Variants in ATP1B1 observed in about 807,000 individuals in gnomAD.
ATP1B1 encodes the protein sodium/potassium-transporting ATPase subunit beta-1.
Under a neutral mutation model 39.6 loss-of-function variants are expected in ATP1B1, and 3 were observed. The observed-to-expected ratio is 0.08, with a 90% CI of 0.03 to 0.20. ATP1B1 has a LOEUF of 0.20. Among genes scored for constraint, ATP1B1 ranks in the 10% least tolerant of loss-of-function variants. The probability of loss-of-function intolerance (pLI) is 1.00; values close to 1 mark genes in which losing one functional copy is unlikely to be tolerated. For synonymous variants in ATP1B1, 139 were observed against 135.0 expected (o/e 1.03, Z -0.20); for missense variants, 216 against 371.1 (o/e 0.58, Z 3.43).
At chr1:169,124,788 G>A (rs1198968795) in intron 2 of ATP1B1, 96 bp from the exon 3 acceptor site, 9 of 1,401,784 alleles carry the variant, frequency 6.4e-6, no homozygotes, top group Non-Finnish European at 8.8e-6. Flanking sequence ...TTAGCCAAGT[G>A]GAGTTAGCAA....
intron 1 of ATP1B1, among the ~76,000 whole-genome samples, chr1:169,110,032 T>G (rs1657694456): frequency 6.6e-6 from 1 of 152,158 alleles, no homozygotes. Context: ...TTATCTTTAC[T>G]TCTGTCTTTG....
chr1:169,120,084 C>T (rs1364537470), intron 2 of ATP1B1, among the ~76,000 whole-genome samples: 1 of 151,932 alleles, frequency 6.6e-6, no homozygotes, highest in African/African-American at 2.4e-5. Flanking sequence ...GTGGTAATTT[C>T]CAGGAGAAGT....
rs749543510 is a variant in ATP1B1, at chr1:169,111,395, A to T, written c.123A>T (p.Ile41=). 7 of 1,614,050 alleles carry T rather than the reference A, an allele frequency of 4.3e-6. No homozygotes were observed. The highest frequency in any genetic ancestry group is 8.5e-7 in the Non-Finnish European group (1 of 1,180,028). ...SWFKILLFYV[I]FYGCLAGIFI... is the part of the protein sequence containing the mutation. Reference sequence around the variant, plus strand: ...TTAAGATCCTTCTATTCTACGTAATATTTTATGGCTGCCTGGCTGGCATCT... The same window carrying T: ...TTAAGATCCTTCTATTCTACGTAATTTTTTATGGCTGCCTGGCTGGCATCT... Residue 41 remains isoleucine, a synonymous_variant, in exon 2 of 6, where the codon ATA becomes ATT. Transcript: ENST00000367815.
chr1:169,126,851 C>T (rs1045392561), intron 3 of ATP1B1, among the ~76,000 whole-genome samples: 5 of 152,172 alleles, frequency 3.3e-5, no homozygotes, highest in Non-Finnish European at 7.3e-5. Context: ...TGAGCTAAGC[C>T]AGTGTTGACA....
chr1:169,109,301 G>A (rs1240411036), intron 1 of ATP1B1, among the ~76,000 whole-genome samples: 2 of 152,034 alleles, frequency 1.3e-5, no homozygotes, highest in African/African-American at 4.8e-5. Context: ...TGCGTGAAAG[G>A]GAGATGCCTC....
At chr1:169,125,931 C>T (rs979962991) in intron 3 of ATP1B1, among the ~76,000 whole-genome samples, 16 of 152,112 alleles carry the variant, frequency 1.1e-4, no homozygotes, top group African/African-American at 3.9e-4. Context: ...GCCATGATCA[C>T]GCCACAGCAC....
At chr1:169,115,208 A>G (rs1041615054) in intron 2 of ATP1B1, among the ~76,000 whole-genome samples, 10 of 123,822 alleles carry the variant, frequency 8.1e-5, no homozygotes, top group Non-Finnish European at 1.5e-4. Flanking sequence ...AAGAAAAAAA[A>G]GGGGGGTGGG....
intron 2 of ATP1B1, among the ~76,000 whole-genome samples, chr1:169,115,668 T>C (rs1195539858): frequency 6.6e-6 from 1 of 152,206 alleles, no homozygotes; most frequent in Non-Finnish European, 1.5e-5. Flanking sequence ...TATAGCCCTA[T>C]CTTTCTACTA....
chr1:169,131,338 T>C lies in ATP1B1; in HGVS notation c.695T>C (p.Leu232Pro), dbSNP rs1302251634. 3 of 1,614,158 alleles carry C rather than the reference T, an allele frequency of 1.9e-6. No individual in the cohort carries two copies. Among genetic ancestry groups the C allele is most frequent in the African/African-American group, 1.3e-5 (1 of 75,042 alleles). The change falls in exon 6 of 6, where the codon CTG (leucine) becomes CCG (proline). Residue 232 changes from leucine to proline, a missense_variant. Physicochemically the swap from Leu to Pro is moderately conservative, Grantham distance 98. Coordinates refer to ENST00000367815, the MANE Select transcript of ATP1B1 (RefSeq NM_001677.4). The surrounding 1 kb of genome is among the most constrained non-coding windows in gnomAD (Gnocchi z 4.4). ...GTTGGAAATGTGGAGTATTTTGGAC[T>C]GGGCAACTCCCCTGGTTTTCCTCTG... ...DKVGNVEYFG[L>P]GNSPGFPLQY...
chr1:169,130,893 A>G (rs763953380), intron 5 of ATP1B1, among the ~76,000 whole-genome samples: 42 of 152,302 alleles, frequency 2.8e-4, no homozygotes, highest in Non-Finnish European at 5.0e-4. Flanking sequence ...AGAACAAAGA[A>G]AGGGAGTTCC....
intron 1 of ATP1B1, among the ~76,000 whole-genome samples, chr1:169,107,576 T>C (rs1291579653): frequency 1.3e-5 from 2 of 152,056 alleles, no homozygotes; most frequent in Non-Finnish European, 2.9e-5. Flanking sequence ...CAAAGTCTGG[T>C]TGTTTTCAAG....
Position 169,116,206 on chromosome 1 carries a change from C to T in ATP1B1, c.226+4708C>T, listed in dbSNP as rs114151705. 1.2e-3 allele frequency among the ~76,000 whole-genome samples: 188 copies of T among 152,340 alleles called. 1 individual carries two copies. The highest frequency in any genetic ancestry group is 3.6e-3 in the African/African-American group (151 of 41,576). On this transcript the variant is annotated intron_variant, in intron 2 of 5. Coordinates refer to ENST00000367815, the MANE Select transcript of ATP1B1 (RefSeq NM_001677.4). ...AATGGAAAAGTCTCTTCTTCACATC[C>T]GCCATTGCCCTTCCCCCACCTCAGG...
chr1:169,130,670 C>T (rs1326653259), intron 5 of ATP1B1, among the ~76,000 whole-genome samples: 1 of 151,152 alleles, frequency 6.6e-6, no homozygotes, highest in Non-Finnish European at 1.5e-5. Flanking sequence ...GCCTGTAATC[C>T]CAGCTGAGGA....
At position 169,122,746 on chromosome 1, in the gene ATP1B1, A is replaced by ATTTTT. The variant is rs753882699; in HGVS notation, c.227-2118_227-2114dup. ...GTTCTACATCATCCTTTTCAGGATG[A>ATTTTT]TTTTTTTTTTTTTTTTTTTTTTTTA... On this transcript the variant is annotated intron_variant, in intron 2 of 5. Transcript: ENST00000367815. 2.6e-3 allele frequency among the ~76,000 whole-genome samples: 213 copies of ATTTTT among 82,350 alleles called. 3 individuals carry two copies. The highest frequency in any genetic ancestry group is 3.2e-3 in the Non-Finnish European group (129 of 39,788). The allele number at this position is 82,350 out of a possible 152,430, so 54.0% of individuals were successfully genotyped here.
At chr1:169,118,356 C>T (rs980805680) in intron 2 of ATP1B1, among the ~76,000 whole-genome samples, 3 of 152,162 alleles carry the variant, frequency 2.0e-5, no homozygotes, top group African/African-American at 7.2e-5. Context: ...GTAAAGGGAG[C>T]AGATTCTGAG....
chr1:169,115,412 G>A lies in ATP1B1; in HGVS notation c.226+3914G>A, dbSNP rs574607318. On this transcript the variant is annotated intron_variant, in intron 2 of 5. Transcript: ENST00000367815. The stretch of plus-strand genomic sequence containing the variant: ...CGCCCAGGCTGGAGTGCAGTGGCAT[G>A]ATCTTGGCTCACTGCAACCTCTGCC... Among the ~76,000 whole-genome samples, 203 of 147,970 alleles carry A rather than the reference G, an allele frequency of 1.4e-3. 2 individuals are homozygous for A. Among genetic ancestry groups the A allele is most frequent in the African/African-American group, 4.8e-3 (192 of 40,216 alleles).
intron 1 of ATP1B1, chr1:169,110,589 T>G: frequency 6.7e-6 from 6 of 894,670 alleles, no homozygotes; most frequent in Non-Finnish European, 8.8e-6. Context: ...TTTTTTTTGC[T>G]TTTGCAGCTA....
At chr1:169,114,141 CTTGG>C (rs1657788607) in intron 2 of ATP1B1, among the ~76,000 whole-genome samples, 1 of 112,754 alleles carries the variant, frequency 8.9e-6, no homozygotes, top group Non-Finnish European at 2.0e-5. Flanking sequence ...GAGGACCCTC[CTTGG>C]CATTTTTCAA....
At position 169,111,492 on chromosome 1, in the gene ATP1B1, C is replaced by T. The variant is rs1410230013; in HGVS notation, c.220C>T (p.Pro74Ser). 3 of 1,613,434 alleles carry T rather than the reference C, an allele frequency of 1.9e-6. No individual in the cohort carries two copies. In the African/African-American group the frequency reaches 4.0e-5, roughly 22 times the overall value. The change falls in exon 2 of 6, where the codon CCG becomes TCG. Residue 74 changes from proline (P) to serine (S), a missense_variant. Transcript: ENST00000367815. ...GCCCACATATCAGGACCGAGTGGCCCCGCCAGGTAAAATCCACATGAATAG... is the reference window on the plus strand; with the variant it reads ...GCCCACATATCAGGACCGAGTGGCCTCGCCAGGTAAAATCCACATGAATAG... Reference protein sequence around the residue: ...FKPTYQDRVAPPGLTQIPQIQ... With the variant: ...FKPTYQDRVASPGLTQIPQIQ...
Sources: allele counts gnomAD v4.1 joint callset (sites outside exome capture counted in the v4.1 genomes callset), GRCh38; gene constraint gnomAD v4.1.1; non-coding constraint Gnocchi (gnomAD v3.1); transcripts MANE v1.5; gene names NCBI Gene and HGNC (gene_info 2026-07-23, HGNC 2026-07-21).